The following SIRT1 variants were observed in gnomAD, a reference collection of about 807,000 sequenced individuals.
SIRT1 encodes NAD-dependent protein deacetylase sirtuin-1.
A neutral mutation model predicts 67.9 loss-of-function variants in SIRT1; 24 were observed. The observed-to-expected ratio is 0.35, with a 90% CI of 0.26 to 0.50. SIRT1 has a LOEUF of 0.50. SIRT1 is among the 20% of genes least tolerant of loss of function. SIRT1 has a pLI of 0.98. For missense variants in SIRT1, 873 were observed against 937.2 expected (o/e 0.93, Z 0.89); for synonymous variants, 378 against 350.7 (o/e 1.08, Z -0.87).
chr10:67,891,634 T>G, intron 4 of SIRT1, 80 bp downstream of exon 4: 1 of 1,400,342 alleles, frequency 7.1e-7, no homozygotes, highest in Non-Finnish European at 9.9e-7. Flanking sequence ...ACCTTAAGGT[T>G]ATCGTTCATT....
Position 67,916,469 on chromosome 10 carries a change from A to C in SIRT1, c.2120A>C (p.Asp707Ala). 1.9e-6 allele frequency: 3 copies of C among 1,614,182 alleles called. No homozygotes were observed. Among genetic ancestry groups the C allele is most frequent in the Non-Finnish European group, 2.5e-6 (3 of 1,180,020 alleles). The change falls in exon 9 of 9, where the codon GAT becomes GCT. Residue 707 changes from aspartate to alanine, a missense_variant. Transcript: ENST00000212015. ...TACAATGGCTTAGAAGATGAGCCTG[A>C]TGTTCCAGAGAGAGCTGGAGGAGCT... ...EFYNGLEDEP[D>A]VPERAGGAGF... is the part of the protein sequence containing the mutation.
rs972818557 is a variant in SIRT1 at position 67,916,674 on chromosome 10, C to A, written c.*81C>A. 2 of 1,147,044 alleles carry A rather than the reference C, an allele frequency of 1.7e-6. No homozygotes were observed. Among genetic ancestry groups the A allele is most frequent in the Non-Finnish European group, 1.2e-6 (1 of 819,386 alleles). The allele number at this position is 1,147,044 out of a possible 1,614,324, so 71.1% of individuals were successfully genotyped here. ...GTCAAAATGAATGTTTACTTGTGAA[C>A]TCGATAGAGCAAGGAAACCAGAAAG... On this transcript the variant is annotated 3_prime_UTR_variant, in exon 9 of 9. Coordinates refer to ENST00000212015, the MANE Select transcript of SIRT1 (RefSeq NM_012238.5).
rs1466187737 is a variant in SIRT1, at chr10:67,884,856, G to T, written c.135G>T (p.Glu45Asp). Reference protein sequence around the residue: ...KRPRRDGPGLERSPGEPGGAA... With the variant: ...KRPRRDGPGLDRSPGEPGGAA... ...CGCGGAGAGATGGTCCCGGCCTCGA[G>T]CGGAGCCCGGGCGAGCCCGGTGGGG... The change falls in exon 1 of 9, where the codon GAG (glutamate) becomes GAT (aspartate). Residue 45 changes from glutamate to aspartate, a missense_variant. By Grantham distance (45) the Glu-to-Asp change is conservative. Transcript: ENST00000212015. 8.2e-7 allele frequency: 1 copy of T among 1,218,556 alleles called. No individual in the cohort carries two copies. The highest frequency in any genetic ancestry group is 1.0e-6 in the Non-Finnish European group (1 of 979,614). 75.5% of individuals were successfully genotyped at this position (1,218,556 alleles called of 1,614,324 possible). A position where few individuals can be genotyped will look rare whatever the true frequency, so the allele number is the denominator to read the frequency against.
At chr10:67,911,097 A>G (rs762347608) in intron 7 of SIRT1, among the ~76,000 whole-genome samples, 4 of 152,364 alleles carry the variant, frequency 2.6e-5, no homozygotes, top group Middle Eastern at 3.4e-3. Flanking sequence ...ATACAAGACA[A>G]TTTGCAATTA....
At chr10:67,886,918 C>G (rs2131845641) in intron 1 of SIRT1, among the ~76,000 whole-genome samples, 1 of 151,482 alleles carries the variant, frequency 6.6e-6, no homozygotes, top group South Asian at 2.1e-4. Context: ...GTTACCCAAG[C>G]TGGAGTGCAA....
At position 67,901,876 on chromosome 10, in the gene SIRT1, C is replaced by T. The variant is rs555209745; in HGVS notation, c.943-4914C>T. ...ACAACATGATGTTTTGATGTGTGTA[C>T]ATTATGGAATGGCTAACTCAAGCTA... On this transcript the variant is annotated intron_variant, in intron 4 of 8. Transcript: ENST00000212015. Among the ~76,000 whole-genome samples the T allele has an allele frequency of 8.5e-5, 13 of 152,334 alleles. No homozygotes were observed. In the South Asian group the frequency reaches 2.7e-3, roughly 32 times the overall value.
At chr10:67,890,117 A>C (rs1055383783) in intron 3 of SIRT1, among the ~76,000 whole-genome samples, 1 of 151,960 alleles carries the variant, frequency 6.6e-6, no homozygotes, top group Non-Finnish European at 1.5e-5. Context: ...GTGCAGTGGC[A>C]GGATCTTGGC....
intron 4 of SIRT1, among the ~76,000 whole-genome samples, chr10:67,896,764 A>G (rs1842664827): frequency 6.8e-6 from 1 of 148,140 alleles, no homozygotes; most frequent in Non-Finnish European, 1.5e-5. Context: ...TCTGTCTCAA[A>G]AAAAAAAAAA....
rs978078516 is a variant in SIRT1, at chr10:67,885,029, A to G, written c.308A>G (p.Asn103Ser). 2.3e-5 allele frequency: 31 copies of G among 1,351,156 alleles called. No individual in the cohort carries two copies. In the East Asian group the frequency reaches 4.6e-4, roughly 20 times the overall value. The allele number at this position is 1,351,156 out of a possible 1,614,324, so 83.7% of individuals were successfully genotyped here. The change falls in exon 1 of 9, where the codon AAT (asparagine) becomes AGT (serine). Residue 103 changes from asparagine (N) to serine (S), a missense_variant. Coordinates refer to ENST00000212015, the MANE Select transcript of SIRT1 (RefSeq NM_012238.5). ...QATAAAGEGD[N>S]GPGLQGPSRE... ...ACTGCGGCGGCTGGGGAAGGAGACA[A>G]TGGGCCGGGCCTGCAGGGCCCATCT...
chr10:67,905,146 T>C (rs901401470), intron 4 of SIRT1, among the ~76,000 whole-genome samples: 6 of 152,224 alleles, frequency 3.9e-5, no homozygotes. Context: ...TTTTATCTGT[T>C]GCCTAGCATA....
At chr10:67,900,148 T>C (rs1842719595) in intron 4 of SIRT1, among the ~76,000 whole-genome samples, 2 of 152,124 alleles carry the variant, frequency 1.3e-5, no homozygotes, top group African/African-American at 4.8e-5. Context: ...ATTTTTTATT[T>C]ATTTATTTAT....
chr10:67,903,327 A>G (rs1842771108), intron 4 of SIRT1, among the ~76,000 whole-genome samples: 1 of 151,714 alleles, frequency 6.6e-6, no homozygotes, highest in Admixed American at 6.6e-5. Flanking sequence ...TCATATTGCT[A>G]GAAATTTGGA....
chr10:67,885,446 C>T (rs1452850295), intron 1 of SIRT1: 1 of 1,183,996 alleles, frequency 8.4e-7, no homozygotes, highest in Non-Finnish European at 1.1e-6. Flanking sequence ...CTCTCCCCCT[C>T]TTACTCTTTT....
chr10:67,901,480 C>T (rs1346536108), intron 4 of SIRT1, among the ~76,000 whole-genome samples: 1 of 152,150 alleles, frequency 6.6e-6, no homozygotes, highest in African/African-American at 2.4e-5. Context: ...GATCAGCAAA[C>T]TTTCTGTAGT....
At chr10:67,888,116 T>G (rs1340069924) in intron 2 of SIRT1, among the ~76,000 whole-genome samples, 2 of 152,216 alleles carry the variant, frequency 1.3e-5, no homozygotes, top group Non-Finnish European at 2.9e-5. Context: ...GCACATAGTT[T>G]GTGCTCAATA....
chr10:67,885,342 G>A (rs1250024213), intron 1 of SIRT1, 191 bp downstream of exon 1: 4 of 1,237,464 alleles, frequency 3.2e-6, no homozygotes, highest in Non-Finnish European at 4.0e-6. Flanking sequence ...CAGTGGATTC[G>A]CTCTTTTCCT....
At position 67,891,562 on chromosome 10, in the gene SIRT1, G is replaced by C; in HGVS notation, c.942+8G>C. Reference sequence around the variant, plus strand: ...TTCTTCAAGTTTGCAAAGGTACTATGAACTCTTCTGGTTGTTTCTTTGGCC... The same window carrying C: ...TTCTTCAAGTTTGCAAAGGTACTATCAACTCTTCTGGTTGTTTCTTTGGCC... On this transcript the variant is annotated splice_region_variant and intron_variant, in intron 4 of 8. Coordinates refer to ENST00000212015, the MANE Select transcript of SIRT1 (RefSeq NM_012238.5). 1 of 1,613,438 alleles carries C rather than the reference G, an allele frequency of 6.2e-7. No individual in the cohort carries two copies. The highest frequency in any genetic ancestry group is 1.7e-5 in the Admixed American group (1 of 59,964).
chr10:67,909,835 A>G (rs908493400), intron 7 of SIRT1, among the ~76,000 whole-genome samples: 2 of 151,526 alleles, frequency 1.3e-5, no homozygotes, highest in Non-Finnish European at 2.9e-5. Context: ...TCTGCCTTCT[A>G]AAGTGCTGGG....
intron 3 of SIRT1, among the ~76,000 whole-genome samples, chr10:67,890,607 C>T (rs991005936): frequency 6.6e-6 from 1 of 151,878 alleles, no homozygotes; most frequent in African/African-American, 2.4e-5. Context: ...CTGGTGCGTA[C>T]TTGTAGTCCC....
Sources: allele counts gnomAD v4.1 joint callset (sites outside exome capture counted in the v4.1 genomes callset), GRCh38; gene constraint gnomAD v4.1.1; transcripts MANE v1.5; gene names NCBI Gene and HGNC (gene_info 2026-07-23, HGNC 2026-07-21).